The following XKR9 variants were observed in gnomAD, a reference collection of about 807,000 sequenced individuals.
The protein encoded by XKR9 is XK related 9.
A neutral mutation model predicts 32.0 loss-of-function variants in XKR9; 32 were observed. The observed-to-expected ratio is 1.00, with a 90% CI of 0.76 to 1.34. The LOEUF (loss-of-function observed/expected upper bound fraction) is 1.34, where lower values mean the gene tolerates loss of function less well. Among genes scored for constraint, XKR9 ranks in the 40% most tolerant of loss-of-function variants. The probability of loss-of-function intolerance (pLI) is 0.00; values close to 1 mark genes in which losing one functional copy is unlikely to be tolerated. For missense variants in XKR9, 546 were observed against 429.7 expected (o/e 1.27, Z -2.39); for synonymous variants, 168 against 143.4 (o/e 1.17, Z -1.22).
chr8:70,858,083 C>T, the XKR9 span, among the ~76,000 whole-genome samples: 10 of 152,136 alleles, frequency 6.6e-5, no homozygotes, highest in African/African-American at 2.4e-4. Context: ...TCTCACCACT[C>T]CTATTCAACA....
At chr8:70,941,037 T>TTAGTA in the XKR9 span, among the ~76,000 whole-genome samples, 1 of 152,070 alleles carries the variant, frequency 6.6e-6, no homozygotes, top group Non-Finnish European at 1.5e-5. Flanking sequence ...TCAGTGGCAT[T>TTAGTA]TAGTACATTC....
At chr8:70,806,236 G>A in the XKR9 span, among the ~76,000 whole-genome samples, 2 of 151,978 alleles carry the variant, frequency 1.3e-5, no homozygotes, top group East Asian at 3.9e-4. Flanking sequence ...CAACAACAAA[G>A]AAGTCCCCAC....
At chr8:70,832,588 A>G in the XKR9 span, among the ~76,000 whole-genome samples, 1 of 152,326 alleles carries the variant, frequency 6.6e-6, no homozygotes. Context: ...GTAAATGCTC[A>G]AATGCTGTGT....
At chr8:70,804,383 G>T in the XKR9 span, among the ~76,000 whole-genome samples, 3 of 152,198 alleles carry the variant, frequency 2.0e-5, no homozygotes, top group Admixed American at 6.5e-5. Flanking sequence ...TCTATTTGGA[G>T]TTAACTTTTA....
intron 2 of XKR9, among the ~76,000 whole-genome samples, chr8:70,755,941 A>G (rs1478670206): frequency 2.0e-5 from 3 of 152,232 alleles, no homozygotes; most frequent in East Asian, 1.9e-4. Context: ...TTTTGGTTTC[A>G]TATTCAAAAA....
At chr8:70,828,730 G>GAAAAAAAAAAAAAAAAAAAA in the XKR9 span, among the ~76,000 whole-genome samples, 2 of 119,526 alleles carry the variant, frequency 1.7e-5, no homozygotes, top group African/African-American at 3.2e-5. Context: ...CAAAAAAAAA[G>GAAAAAAAAAAAAAAAAAAAA]AAAAAAAAAA....
chr8:71,012,603 A>G, the XKR9 span, among the ~76,000 whole-genome samples: 1 of 152,182 alleles, frequency 6.6e-6, no homozygotes, highest in Non-Finnish European at 1.5e-5. Flanking sequence ...TTTAGATCCT[A>G]TACCAACTAC....
chr8:71,011,073 C>T, the XKR9 span, among the ~76,000 whole-genome samples: 46 of 152,070 alleles, frequency 3.0e-4, no homozygotes, highest in South Asian at 6.2e-4. Flanking sequence ...ATGTGTAAGA[C>T]GCATGGTGGC....
chr8:70,707,122 T>C lies in XKR9; in HGVS notation c.462T>C (p.Leu154=). ...CPQLILQLYI[L]LEHGQANFSQ... is the part of the protein sequence containing the mutation. Reference sequence around the variant, plus strand: ...AACTTATTCTTCAACTCTACATTCTTCTGGAGCATGGACAAGCGAATTTCA... The same window carrying C: ...AACTTATTCTTCAACTCTACATTCTCCTGGAGCATGGACAAGCGAATTTCA... Residue 154 remains leucine, a synonymous_variant, in exon 4 of 5, where the codon CTT becomes CTC. Coordinates refer to ENST00000408926, the MANE Select transcript of XKR9 (RefSeq NM_001011720.2). The C allele has an allele frequency of 6.2e-7, 1 of 1,613,202 alleles. No homozygotes were observed. Among genetic ancestry groups the C allele is most frequent in the East Asian group, 2.2e-5 (1 of 44,836 alleles).
the XKR9 span, among the ~76,000 whole-genome samples, chr8:70,841,275 CTTAT>C: frequency 1.3e-5 from 2 of 151,980 alleles, no homozygotes; most frequent in African/African-American, 4.8e-5. Context: ...AAAATTTCTG[CTTAT>C]TTGAGTACTT....
At chr8:71,050,727 C>T in the XKR9 span, among the ~76,000 whole-genome samples, 1 of 152,112 alleles carries the variant, frequency 6.6e-6, no homozygotes, top group African/African-American at 2.4e-5. Flanking sequence ...GGAAGTTATG[C>T]ATGGATGGAC....
chr8:70,867,969 G>A, the XKR9 span, among the ~76,000 whole-genome samples: 2 of 152,226 alleles, frequency 1.3e-5, no homozygotes, highest in South Asian at 2.1e-4. Flanking sequence ...CCCCATGCAA[G>A]TCCAAAATCC....
At chr8:70,979,857 C>A in the XKR9 span, among the ~76,000 whole-genome samples, 4 of 152,218 alleles carry the variant, frequency 2.6e-5, no homozygotes, top group Non-Finnish European at 2.9e-5. Flanking sequence ...TATGCCCTAC[C>A]CCCAAAGGTG....
At chr8:70,959,612 G>A in the XKR9 span, among the ~76,000 whole-genome samples, 1 of 152,140 alleles carries the variant, frequency 6.6e-6, no homozygotes, top group African/African-American at 2.4e-5. Flanking sequence ...ATGCATTTTA[G>A]CTGACATGCC....
At chr8:70,701,068 G>T (rs924422752) in intron 3 of XKR9, among the ~76,000 whole-genome samples, 2 of 152,144 alleles carry the variant, frequency 1.3e-5, no homozygotes, top group Non-Finnish European at 2.9e-5. Context: ...GGAGTGACCC[G>T]ATTTTCCAGG....
chr8:70,990,765 G>A, the XKR9 span, among the ~76,000 whole-genome samples: 104 of 146,512 alleles, frequency 7.1e-4, 1 homozygote, highest in Middle Eastern at 0.011. Context: ...GAGAGAGAGA[G>A]AGAAAGAGAG....
At chr8:70,764,532 G>A (rs1413803363) in intron 2 of XKR9, among the ~76,000 whole-genome samples, 5 of 152,104 alleles carry the variant, frequency 3.3e-5, no homozygotes, top group Admixed American at 3.3e-4. Flanking sequence ...GAAAGTCTAT[G>A]ATTAAGATGA....
At chr8:70,833,067 A>G in the XKR9 span, among the ~76,000 whole-genome samples, 1 of 152,186 alleles carries the variant, frequency 6.6e-6, no homozygotes, top group Non-Finnish European at 1.5e-5. Context: ...AAAATTTTTC[A>G]TTGGTTTGTC....
chr8:70,974,872 C>A, the XKR9 span, among the ~76,000 whole-genome samples: 1 of 152,200 alleles, frequency 6.6e-6, no homozygotes, highest in Non-Finnish European at 1.5e-5. Context: ...TAAAAGCATT[C>A]CTTTTCTCCA....
Sources: gnomAD v4.1 joint callset for allele counts (sites outside exome capture counted in the v4.1 genomes callset) on GRCh38, gnomAD v4.1.1 for gene constraint, MANE v1.5 for transcripts, NCBI Gene and HGNC (gene_info 2026-07-23, HGNC 2026-07-21) for gene names.